The following LINGO2 variants were observed in gnomAD, a reference collection of about 807,000 sequenced individuals.
LINGO2 encodes the protein leucine-rich repeat and immunoglobulin-like domain-containing nogo receptor-interacting protein 2.
LINGO2 carries 14 observed loss-of-function variants against 30.6 expected under a neutral mutation model. The ratio of observed to expected loss-of-function variants is 0.46; its 90% CI spans 0.30 to 0.72. The LOEUF (loss-of-function observed/expected upper bound fraction) is 0.72, where lower values mean the gene tolerates loss of function less well. LINGO2 is among the 30% of genes least tolerant of loss of function. LINGO2 has a pLI of 0.07. For missense variants in LINGO2, 729 were observed against 751.7 expected, an observed-to-expected ratio of 0.97 and a Z score of 0.35; for synonymous variants, 317 against 288.5, an observed-to-expected ratio of 1.10 and a Z score of -1.00.
rs377218234 is a variant in LINGO2, at chr9:28,338,835, C to T, written c.-246+34001G>A. Reference sequence around the variant, plus strand: ...CCTGAACTGTGAGTCAATTAAACCTCTTTCCTTTATAAATTACCCAGTCTA... The same window carrying T: ...CCTGAACTGTGAGTCAATTAAACCTTTTTCCTTTATAAATTACCCAGTCTA... On this transcript the variant is annotated intron_variant, in intron 3 of 5. Coordinates refer to ENST00000379992, the Ensembl canonical transcript of LINGO2. Among the ~76,000 whole-genome samples the T allele has an allele frequency of 1.5e-4, 23 of 152,258 alleles. 1 individual carries two copies. The highest frequency in any genetic ancestry group is 3.6e-4 in the African/African-American group (15 of 41,558).
At chr9:29,170,882 GATTAAC>G in the LINGO2 span, among the ~76,000 whole-genome samples, 1 of 152,048 alleles carries the variant, frequency 6.6e-6, no homozygotes, top group Non-Finnish European at 1.5e-5. Flanking sequence ...AAATTCAAAT[GATTAAC>G]ATGATGTGCT....
At chr9:29,049,583 G>A in the LINGO2 span, among the ~76,000 whole-genome samples, 2 of 152,284 alleles carry the variant, frequency 1.3e-5, no homozygotes, top group East Asian at 3.9e-4. Flanking sequence ...TAAAGAAAAT[G>A]TGGTACATAT....
the LINGO2 span, among the ~76,000 whole-genome samples, chr9:29,089,486 T>G: frequency 6.6e-6 from 1 of 152,070 alleles, no homozygotes; most frequent in Non-Finnish European, 1.5e-5. Flanking sequence ...AAGGAAACGA[T>G]GCACACAAAG....
chr9:29,189,416 G>A, the LINGO2 span, among the ~76,000 whole-genome samples: 973 of 151,406 alleles, frequency 6.4e-3, 4 homozygotes, highest in Non-Finnish European at 8.0e-3. Flanking sequence ...CTTCTCAGAC[G>A]GGGCGGCCGG....
At chr9:28,799,013 G>C in the LINGO2 span, among the ~76,000 whole-genome samples, 1 of 152,050 alleles carries the variant, frequency 6.6e-6, no homozygotes, top group South Asian at 2.1e-4. Flanking sequence ...ATGATGGAGA[G>C]GCTGCAATTA....
chr9:28,034,168 G>A (rs1823819596), intron 4 of LINGO2, among the ~76,000 whole-genome samples: 1 of 152,154 alleles, frequency 6.6e-6, no homozygotes, highest in Non-Finnish European at 1.5e-5. Flanking sequence ...GGCTTGCTGG[G>A]GCGTTCAGCA....
chr9:28,512,252 C>A lies in LINGO2; in HGVS notation c.-364-36227G>T, dbSNP rs182069832. Among the ~76,000 whole-genome samples, 502 of 152,160 alleles carry A rather than the reference C, an allele frequency of 3.3e-3. 3 individuals are homozygous for A. The highest frequency in any genetic ancestry group is 0.012 in the African/African-American group (487 of 41,498). On this transcript the variant is annotated intron_variant, in intron 1 of 5. Transcript: ENST00000379992. ...ATGGTGACTTGATGTCCCATAGTCA[C>A]ATGTTCATTTTCCACTAAAGCCCAG...
At chr9:28,744,641 T>TGTGTGTGTGTGTGTGTGTGTGTGTG in the LINGO2 span, among the ~76,000 whole-genome samples, 1 of 104,058 alleles carries the variant, frequency 9.6e-6, no homozygotes, top group Admixed American at 8.4e-5. Flanking sequence ...TGTGTGTGTA[T>TGTGTGTGTGTGTGTGTGTGTGTGTG]TTTTTTTTTT....
the LINGO2 span, among the ~76,000 whole-genome samples, chr9:28,742,371 A>G: frequency 1.3e-5 from 2 of 150,430 alleles, no homozygotes; most frequent in East Asian, 2.0e-4. Context: ...ACTTCTTCAC[A>G]TTGATGTGTC....
At chr9:28,731,559 G>T in the LINGO2 span, among the ~76,000 whole-genome samples, 1 of 152,086 alleles carries the variant, frequency 6.6e-6, no homozygotes, top group East Asian at 1.9e-4. Flanking sequence ...TGGTGAGTGC[G>T]GTTTAAAAGA....
At chr9:29,094,927 G>A in the LINGO2 span, among the ~76,000 whole-genome samples, 1 of 138,138 alleles carries the variant, frequency 7.2e-6, no homozygotes, top group Non-Finnish European at 1.6e-5. Context: ...GAGATTCTAA[G>A]TACATACAGT....
intron 4 of LINGO2, among the ~76,000 whole-genome samples, chr9:28,213,613 T>G (rs892883851): frequency 1.3e-5 from 2 of 151,438 alleles, no homozygotes; most frequent in Non-Finnish European, 1.5e-5. Context: ...AACATTTATC[T>G]TCCCTTTCTT....
At chr9:28,638,558 G>C (rs1054502947) in intron 1 of LINGO2, among the ~76,000 whole-genome samples, 1 of 152,144 alleles carries the variant, frequency 6.6e-6, no homozygotes, top group Non-Finnish European at 1.5e-5. Context: ...GAGGGGGTAT[G>C]TGTCGAGGAA....
chr9:28,203,058 A>T (rs1423199591), intron 4 of LINGO2, among the ~76,000 whole-genome samples: 1 of 152,234 alleles, frequency 6.6e-6, no homozygotes, highest in Non-Finnish European at 1.5e-5. Flanking sequence ...AACAAAAAGC[A>T]GGAAATTATT....
intron 3 of LINGO2, among the ~76,000 whole-genome samples, chr9:28,337,196 T>A (rs1370368715): frequency 6.6e-6 from 1 of 151,646 alleles, no homozygotes. Flanking sequence ...TTTCTCTCTT[T>A]GTGCTTTTCT....
At chr9:28,948,074 C>T in the LINGO2 span, among the ~76,000 whole-genome samples, 1 of 151,966 alleles carries the variant, frequency 6.6e-6, no homozygotes, top group Non-Finnish European at 1.5e-5. Flanking sequence ...ATGTACCCAT[C>T]CTTGATGACA....
Position 28,391,604 on chromosome 9 carries a change from C to CGTGTGTGT in LINGO2, c.-278-18744_-278-18737dup, listed in dbSNP as rs35676869. Reference sequence around the variant, plus strand: ...TTTTCACAATTTGTATTTATGTTTGCGTGTGTGTGTGTGTGTGTGTGTGTG... The same window carrying CGTGTGTGT: ...TTTTCACAATTTGTATTTATGTTTGCGTGTGTGTGTGTGTGTGTGTGTGTGTGTGTGTG... On this transcript the variant is annotated intron_variant, in intron 2 of 5. Transcript: ENST00000379992. Among the ~76,000 whole-genome samples, 713 of 147,832 alleles carry CGTGTGTGT rather than the reference C, an allele frequency of 4.8e-3. 6 individuals carry two copies. The highest frequency in any genetic ancestry group is 0.017 in the African/African-American group (679 of 40,136).
intron 4 of LINGO2, among the ~76,000 whole-genome samples, chr9:28,126,066 A>T (rs774017671): frequency 1.1e-4 from 16 of 152,216 alleles, no homozygotes; most frequent in Non-Finnish European, 2.2e-4. Context: ...CATGTTAAAA[A>T]GAAAATTTTT....
chr9:28,014,321 CTT>C (rs1160591998), intron 4 of LINGO2, among the ~76,000 whole-genome samples: 12 of 152,130 alleles, frequency 7.9e-5, no homozygotes, highest in African/African-American at 2.9e-4. Flanking sequence ...ATAATAGTCT[CTT>C]GATACAAGTG....
Sources: gnomAD v4.1 joint callset for allele counts (sites outside exome capture counted in the v4.1 genomes callset) on GRCh38, gnomAD v4.1.1 for gene constraint, MANE v1.5 for transcripts, NCBI Gene and HGNC (gene_info 2026-07-23, HGNC 2026-07-21) for gene names.